The following KLK9 variants were observed in gnomAD, a reference collection of about 807,000 sequenced individuals.
KLK9 encodes kallikrein related peptidase 9.
In KLK9, 26 loss-of-function variants were observed where a neutral mutation model predicts 23.3. The ratio of observed to expected loss-of-function variants is 1.12; its 90% CI spans 0.82 to 1.55. KLK9 has a LOEUF of 1.55. Among genes scored for constraint, KLK9 ranks in the 40% most tolerant of loss-of-function variants. The probability of loss-of-function intolerance (pLI) is 0.00; values close to 1 mark genes in which losing one functional copy is unlikely to be tolerated. For synonymous variants in KLK9, 122 were observed against 128.5 expected, an observed-to-expected ratio of 0.95 and a Z score of 0.34; for missense variants, 346 against 333.7, an observed-to-expected ratio of 1.04 and a Z score of -0.29.
rs373749584 is a variant in KLK9 at position 51,003,890 on chromosome 19, C to T, written c.467-50G>A. ...GATCTGCAACTGTCTCCAACACACT[C>T]AGCACCCCACTGCCCTGAGTCCTCC... On this transcript the variant is annotated intron_variant, in intron 3 of 4. Coordinates refer to ENST00000594211, the MANE Select transcript of KLK9 (RefSeq NM_012315.2). 4.8e-5 allele frequency: 74 copies of T among 1,550,852 alleles called. 1 individual carries two copies. Among genetic ancestry groups the T allele is most frequent in the Non-Finnish European group, 6.0e-5 (68 of 1,127,292 alleles).
rs78192156 is a variant in KLK9, at chr19:51,009,055, C to T, written c.200+128G>A. 58,243 of 1,070,222 alleles carry T rather than the reference C, an allele frequency of 0.054. 1,822 individuals carry two copies. The highest frequency in any genetic ancestry group is 0.1 in the African/African-American group (6,180 of 61,504). 66.3% of individuals were successfully genotyped at this position (1,070,222 alleles called of 1,614,324 possible). A position where few individuals can be genotyped will look rare whatever the true frequency, so the allele number is the denominator to read the frequency against. ...TTTAGGATTTGGGAGGCTACCCTTC[C>T]TACTTCTAAGAGTTGAACTTGTGGT... On this transcript the variant is annotated intron_variant, in intron 2 of 4. Coordinates refer to ENST00000594211, the MANE Select transcript of KLK9 (RefSeq NM_012315.2). This position sits in a 1 kb window ranked among gnomAD's most constrained non-coding sequence, Gnocchi z 4.8.
At position 51,002,867 on chromosome 19, in the gene KLK9, G is replaced by A. The variant is rs745779678; in HGVS notation, c.*244C>T. On this transcript the variant is annotated 3_prime_UTR_variant, in exon 5 of 5. Coordinates refer to ENST00000594211, the MANE Select transcript of KLK9 (RefSeq NM_012315.2). The stretch of plus-strand genomic sequence containing the variant: ...TCCAAGAAGGAGGTGATGGCTGTCG[G>A]TGACGTCATAGAGACGGGCTCTGAA... 1 of 434,966 alleles carries A rather than the reference G, an allele frequency of 2.3e-6. No individual in the cohort carries two copies. Among genetic ancestry groups the A allele is most frequent in the Non-Finnish European group, 4.1e-6 (1 of 246,622 alleles). 26.9% of individuals were successfully genotyped at this position (434,966 alleles called of 1,614,324 possible).
At chr19:51,003,969 A>G in intron 3 of KLK9, 129 bp from the exon 4 acceptor site, 1 of 691,162 alleles carries the variant, frequency 1.4e-6, no homozygotes, top group Non-Finnish European at 2.5e-6. Flanking sequence ...TCAAAGATAG[A>G]GACAAGAGAC....
chr19:51,002,881 A>C lies in KLK9; in HGVS notation c.*230T>G. The C allele has an allele frequency of 2.1e-6, 1 of 468,292 alleles. No individual in the cohort carries two copies. The highest frequency in any genetic ancestry group is 3.7e-6 in the Non-Finnish European group (1 of 267,018). The allele number at this position is 468,292 out of a possible 1,614,324, so 29.0% of individuals were successfully genotyped here. The stretch of plus-strand genomic sequence containing the variant: ...GATGGCTGTCGGTGACGTCATAGAG[A>C]CGGGCTCTGAAGGGCGTGTCCCTGC... On this transcript the variant is annotated 3_prime_UTR_variant, in exon 5 of 5. Transcript: ENST00000594211.
In KLK9 at chr19:51,006,256, T is replaced by C. The variant is rs2091255103; in HGVS notation, c.466+202A>G. The stretch of plus-strand genomic sequence containing the variant: ...CCTTTTTTTCTTCTCCTCCTCCTCC[T>C]TCTTCCACTTCTTCGCAGTTCATGA... On this transcript the variant is annotated intron_variant, in intron 3 of 4. Transcript: ENST00000594211. This position sits in a 1 kb window ranked among gnomAD's most constrained non-coding sequence, Gnocchi z 4.1. 6.6e-6 allele frequency among the ~76,000 whole-genome samples: 1 copy of C among 151,934 alleles called. No individual in the cohort carries two copies. Among genetic ancestry groups the C allele is most frequent in the South Asian group, 2.1e-4 (1 of 4,826 alleles).
intron 2 of KLK9, among the ~76,000 whole-genome samples, chr19:51,007,663 T>C (rs933250302): frequency 1.3e-5 from 2 of 151,736 alleles, no homozygotes; most frequent in East Asian, 1.9e-4. Flanking sequence ...TTAAAGGAGG[T>C]TCCATCATGG....
Position 51,002,808 on chromosome 19 carries a change from T to G in KLK9, c.*303A>C, listed in dbSNP as rs1010952974. 1 of 306,342 alleles carries G rather than the reference T, an allele frequency of 3.3e-6. No homozygotes were observed. Among genetic ancestry groups the G allele is most frequent in the African/African-American group, 2.1e-5 (1 of 46,588 alleles). The allele number at this position is 306,342 out of a possible 1,614,324, so 19.0% of individuals were successfully genotyped here. ...GAGGGGCGGAGCTATTTTGTGTAAGTGGTTCCTTGGGGCGGAGCCACAGGC... is the reference window on the plus strand; with the variant it reads ...GAGGGGCGGAGCTATTTTGTGTAAGGGGTTCCTTGGGGCGGAGCCACAGGC... On this transcript the variant is annotated 3_prime_UTR_variant, in exon 5 of 5. Transcript: ENST00000594211.
chr19:51,009,216 C>A lies in KLK9; in HGVS notation c.167G>T (p.Arg56Leu), dbSNP rs149100992. ...GCAGTGGGCAGCTGTGAGCAGCCAG[C>A]GGTCACTGATGAGGGTCGCCCCACA... The part of the protein sequence containing the change: ...LFCGATLISD[R>L]WLLTAAHCRK... Residue 56 changes from arginine (R) to leucine (L), a missense_variant, in exon 2 of 5, where the codon CGC becomes CTC. Coordinates refer to ENST00000594211, the MANE Select transcript of KLK9 (RefSeq NM_012315.2). The surrounding 1 kb of genome is among the most constrained non-coding windows in gnomAD (Gnocchi z 4.8). 3.7e-6 allele frequency: 6 copies of A among 1,609,448 alleles called. No homozygotes were observed. Among genetic ancestry groups the A allele is most frequent in the Non-Finnish European group, 5.1e-6 (6 of 1,179,010 alleles).
chr19:51,005,169 C>T (rs2091250964), intron 3 of KLK9, among the ~76,000 whole-genome samples: 1 of 152,178 alleles, frequency 6.6e-6, no homozygotes, highest in Non-Finnish European at 1.5e-5. Context: ...GCAACAAATT[C>T]AGACTGTTTT....
Position 51,003,224 on chromosome 19 carries a change from A to G in KLK9, c.640T>C (p.Leu214=). The G allele has an allele frequency of 6.2e-7, 1 of 1,613,090 alleles. No homozygotes were observed. The highest frequency in any genetic ancestry group is 2.2e-5 in the East Asian group (1 of 44,854). The change falls in exon 5 of 5, where the codon TTG becomes CTG. Residue 214 remains leucine, a synonymous_variant. Transcript: ENST00000594211. ...GCACCCCCAGACACCACGCCTGCCA[A>G]GGTTCCATTGCAAACCAGGGGGCCC... ...SGGPLVCNGT[L]AGVVSGGAEP...
chr19:51,009,491 C>A lies in KLK9; in HGVS notation c.43+14G>T, dbSNP rs201875196. The A allele has an allele frequency of 1.2e-5, 20 of 1,605,168 alleles. No individual in the cohort carries two copies. Among genetic ancestry groups the A allele is most frequent in the Non-Finnish European group, 1.6e-5 (19 of 1,176,020 alleles). On this transcript the variant is annotated intron_variant, in intron 1 of 4. Coordinates refer to ENST00000594211, the MANE Select transcript of KLK9 (RefSeq NM_012315.2). The surrounding 1 kb of genome is among the most constrained non-coding windows in gnomAD (Gnocchi z 4.8). The stretch of plus-strand genomic sequence containing the variant: ...AGTACAGCCGTGAAGGGGCAGCCAG[C>A]CTGGGAGCCTCACCTGCCAGCAGAG...
chr19:51,008,337 C>CAAAA (rs34275672), intron 2 of KLK9, among the ~76,000 whole-genome samples: 105 of 71,666 alleles, frequency 1.5e-3, no homozygotes, highest in East Asian at 3.4e-3. Context: ...GACTCTGTCT[C>CAAAA]AAAAAAAAAA....
Position 51,006,473 on chromosome 19 carries a change from C to G in KLK9, c.451G>C (p.Val151Leu). Reference protein sequence around the residue: ...MQCLISGWGAVSSPKALFPVT... With the variant: ...MQCLISGWGALSSPKALFPVT... Reference sequence around the variant, plus strand: ...CAGGTCATACCCTTGGGGCTGGACACGGCCCCCCAGCCTGAGATGAGACAC... The same window carrying G: ...CAGGTCATACCCTTGGGGCTGGACAGGGCCCCCCAGCCTGAGATGAGACAC... The change falls in exon 3 of 5, where the codon GTG (valine) becomes CTG (leucine). Residue 151 changes from valine to leucine, a missense_variant. Val to Leu is a conservative substitution (Grantham distance 32, BLOSUM62 1). Coordinates refer to ENST00000594211, the MANE Select transcript of KLK9 (RefSeq NM_012315.2). This position sits in a 1 kb window ranked among gnomAD's most constrained non-coding sequence, Gnocchi z 4.1. The G allele has an allele frequency of 6.2e-7, 1 of 1,610,736 alleles. No homozygotes were observed. Among genetic ancestry groups the G allele is most frequent in the Non-Finnish European group, 8.5e-7 (1 of 1,178,228 alleles).
chr19:51,006,755 GGGAAA>G lies in KLK9; in HGVS notation c.201-37_201-33del, dbSNP rs1568559201. ...GGACAGGCCTCAGAGGTCAAGCTGG[GGGAAA>G]GGTAAAAGTCCTTTCAGCCCCAGCC... is the stretch of plus-strand genomic sequence containing the variant. On this transcript the variant is annotated intron_variant, in intron 2 of 4. Transcript: ENST00000594211. The surrounding 1 kb of genome is among the most constrained non-coding windows in gnomAD (Gnocchi z 4.1). 20 of 1,531,938 alleles carry G rather than the reference GGGAAA, an allele frequency of 1.3e-5. No individual in the cohort carries two copies. The highest frequency in any genetic ancestry group is 1.7e-5 in the Non-Finnish European group (19 of 1,138,832). The allele number at this position is 1,531,938 out of a possible 1,614,324, so 94.9% of individuals were successfully genotyped here. A position where few individuals can be genotyped will look rare whatever the true frequency, so the allele number is the denominator to read the frequency against.
intron 3 of KLK9, among the ~76,000 whole-genome samples, chr19:51,004,338 CAAAAAAAAAAAAAAAAAAAAAAAA>C (rs71333922): frequency 0.063 from 2,052 of 32,608 alleles, 106 homozygotes; most frequent in African/African-American, 0.2. Context: ...GACTCCGTCT[CAAAAAAAAAAAAAAAAAAAAAAAA>C]AAAAAAAAAA....
chr19:51,007,878 T>C (rs1426537337), intron 2 of KLK9, among the ~76,000 whole-genome samples: 1 of 152,104 alleles, frequency 6.6e-6, no homozygotes, highest in Non-Finnish European at 1.5e-5. Context: ...CACACTATTA[T>C]CCATGATTCT....
At chr19:51,004,288 C>T (rs760115868) in intron 3 of KLK9, among the ~76,000 whole-genome samples, 11 of 118,946 alleles carry the variant, frequency 9.2e-5, no homozygotes, top group South Asian at 2.9e-4. Flanking sequence ...TGCAGTGAGC[C>T]GAGACTGGTC....
intron 2 of KLK9, among the ~76,000 whole-genome samples, chr19:51,007,489 T>C: frequency 6.6e-6 from 1 of 151,896 alleles, no homozygotes. Context: ...TCTTGCTGTC[T>C]TGGCTCTGGA....
chr19:51,007,383 C>T (rs2091259942), intron 2 of KLK9, among the ~76,000 whole-genome samples: 1 of 151,868 alleles, frequency 6.6e-6, no homozygotes, highest in Admixed American at 6.6e-5. Flanking sequence ...CAAGTCCATT[C>T]CCCAGCCTCT....
Sources: allele counts gnomAD v4.1 joint callset (sites outside exome capture counted in the v4.1 genomes callset), GRCh38; gene constraint gnomAD v4.1.1; non-coding constraint Gnocchi (gnomAD v3.1); transcripts MANE v1.5; gene names NCBI Gene and HGNC (gene_info 2026-07-23, HGNC 2026-07-21).